The following TRIQK variants were observed in gnomAD, a reference collection of about 807,000 sequenced individuals.
TRIQK encodes triple QxxK/R motif containing.
In TRIQK, 10 loss-of-function variants were observed where a neutral mutation model predicts 10.8. The observed-to-expected ratio is 0.92, with a 90% CI of 0.57 to 1.57. The LOEUF (loss-of-function observed/expected upper bound fraction) is 1.57, where lower values mean the gene tolerates loss of function less well. Among genes scored for constraint, TRIQK ranks in the 40% most tolerant of loss-of-function variants. The pLI is 0.00. For synonymous variants in TRIQK, 33 were observed against 33.7 expected, an observed-to-expected ratio of 0.98 and a Z score of 0.07; for missense variants, 107 against 97.7, an observed-to-expected ratio of 1.09 and a Z score of -0.40.
At chr8:92,898,854 TATATATATATATATATATAG>T (rs1808762623) in intron 3 of TRIQK, among the ~76,000 whole-genome samples, 1 of 137,964 alleles carries the variant, frequency 7.2e-6, no homozygotes, top group Admixed American at 7.1e-5. Context: ...TATATATATA[TATATATATATATATATATAG>T]ATGGGGGTAC....
At chr8:92,943,173 A>C (rs1811356719) in intron 2 of TRIQK, among the ~76,000 whole-genome samples, 1 of 152,182 alleles carries the variant, frequency 6.6e-6, no homozygotes, top group Non-Finnish European at 1.5e-5. Flanking sequence ...AAAAAATTGA[A>C]GACATACATA....
At chr8:92,934,461 C>G (rs997486661) in intron 2 of TRIQK, among the ~76,000 whole-genome samples, 1 of 151,752 alleles carries the variant, frequency 6.6e-6, no homozygotes, top group Admixed American at 6.6e-5. Context: ...CTGAAATAAG[C>G]TTAAGTATAT....
At chr8:92,982,641 G>A (rs1450091490) in intron 1 of TRIQK, among the ~76,000 whole-genome samples, 1 of 151,998 alleles carries the variant, frequency 6.6e-6, no homozygotes, top group Non-Finnish European at 1.5e-5. Context: ...TTAAATGGTT[G>A]AATAGATTAA....
At chr8:92,941,162 G>A (rs1317247253) in intron 2 of TRIQK, 3 of 152,236 alleles carry the variant, frequency 2.0e-5, no homozygotes, top group African/African-American at 7.2e-5. Context: ...CGCCTCCTGG[G>A]TTCAAGCAAT....
intron 2 of TRIQK, among the ~76,000 whole-genome samples, chr8:92,947,589 A>G (rs1299952680): frequency 1.5e-4 from 9 of 61,456 alleles, no homozygotes; most frequent in African/African-American, 2.1e-4. Context: ...CGCCTCAGGA[A>G]AAAAAAAAAA....
chr8:92,948,800 CTT>C (rs1407327247), intron 2 of TRIQK, among the ~76,000 whole-genome samples: 1 of 152,166 alleles, frequency 6.6e-6, no homozygotes, highest in African/African-American at 2.4e-5. Context: ...TTATTGTAAA[CTT>C]AATTGAAAAT....
intron 3 of TRIQK, among the ~76,000 whole-genome samples, chr8:92,916,000 C>G (rs1287072792): frequency 6.6e-6 from 1 of 151,300 alleles, no homozygotes; most frequent in African/African-American, 2.4e-5. Context: ...TTTGTTTATC[C>G]TTTAGTTATT....
intron 4 of TRIQK, among the ~76,000 whole-genome samples, chr8:92,887,451 T>C (rs1319619835): frequency 6.6e-6 from 1 of 151,516 alleles, no homozygotes; most frequent in African/African-American, 2.4e-5. Flanking sequence ...ATAAAAAATT[T>C]ACTCATATAT....
chr8:92,943,999 C>T (rs769502107), intron 2 of TRIQK, among the ~76,000 whole-genome samples: 3 of 151,834 alleles, frequency 2.0e-5, no homozygotes, highest in South Asian at 4.1e-4. Flanking sequence ...ATTAGGAAGT[C>T]GATCAACTCA....
At chr8:92,959,479 A>G (rs1299023509) in intron 1 of TRIQK, among the ~76,000 whole-genome samples, 1 of 106,580 alleles carries the variant, frequency 9.4e-6, no homozygotes, top group East Asian at 2.7e-4. Flanking sequence ...ATATATATGC[A>G]TACACACACA....
rs182336548 is a variant in TRIQK at position 93,014,236 on chromosome 8, A to G, written c.-181+3373T>C. Among the ~76,000 whole-genome samples, 481 of 152,234 alleles carry G rather than the reference A, an allele frequency of 3.2e-3. 2 individuals carry two copies. Among genetic ancestry groups the G allele is most frequent in the African/African-American group, 0.011 (456 of 41,578 alleles). ...ACAGAAAAAAAGAAATTCTAAGAGT[A>G]AAATTTATAAATTAGGCATTACTGT... On this transcript the variant is annotated intron_variant, in intron 1 of 4. Coordinates refer to the TRIQK transcript ENST00000520686.
upstream of TRIQK, among the ~76,000 whole-genome samples, chr8:92,971,142 C>T (rs919080883): frequency 6.6e-6 from 1 of 151,910 alleles, no homozygotes; most frequent in Admixed American, 6.6e-5. Flanking sequence ...TCTATCTGTT[C>T]CATTGGTCTA....
intron 3 of TRIQK, among the ~76,000 whole-genome samples, chr8:92,901,969 G>C (rs574956103): frequency 6.6e-6 from 1 of 152,102 alleles, no homozygotes; most frequent in African/African-American, 2.4e-5. Flanking sequence ...CAATCTTAGT[G>C]AGTTGTATGA....
At chr8:92,935,519 C>G (rs1214771007) in intron 2 of TRIQK, among the ~76,000 whole-genome samples, 1 of 150,442 alleles carries the variant, frequency 6.6e-6, no homozygotes, top group Non-Finnish European at 1.5e-5. Context: ...TTAGAAAAGA[C>G]AAAAGATTGA....
intron 1 of TRIQK, among the ~76,000 whole-genome samples, chr8:93,010,042 C>T (rs1377585529): frequency 2.0e-5 from 3 of 152,110 alleles, no homozygotes; most frequent in Non-Finnish European, 2.9e-5. Context: ...CATATAATCA[C>T]ACTCAGATGA....
intron 4 of TRIQK, among the ~76,000 whole-genome samples, chr8:92,889,538 A>C (rs1816655674): frequency 6.6e-6 from 1 of 151,668 alleles, no homozygotes; most frequent in Admixed American, 6.6e-5. Context: ...ATTTTGTAAT[A>C]TATAATATGG....
At chr8:92,985,757 A>T (rs1469324581) in intron 1 of TRIQK, among the ~76,000 whole-genome samples, 2 of 152,134 alleles carry the variant, frequency 1.3e-5, no homozygotes, top group African/African-American at 4.8e-5. Context: ...AAAAAACTGT[A>T]TTACACATTT....
intron 2 of TRIQK, chr8:92,921,444 C>T (rs968574907): frequency 6.6e-6 from 1 of 151,642 alleles, no homozygotes; most frequent in South Asian, 2.1e-4. Flanking sequence ...GTGGACACAT[C>T]ACTTATTTTC....
chr8:92,938,504 T>G (rs1165479614), intron 2 of TRIQK, among the ~76,000 whole-genome samples: 1 of 152,064 alleles, frequency 6.6e-6, no homozygotes, highest in Non-Finnish European at 1.5e-5. Context: ...TGGTCAGACT[T>G]CTCTGAGCTT....
Sources: allele counts gnomAD v4.1 joint callset (sites outside exome capture counted in the v4.1 genomes callset), GRCh38; gene constraint gnomAD v4.1.1; transcripts MANE v1.5; gene names NCBI Gene and HGNC (gene_info 2026-07-23, HGNC 2026-07-21).